Variants in CNBD1 observed in about 807,000 individuals in gnomAD.
CNBD1 encodes the protein cyclic nucleotide binding domain containing 1.
CNBD1 carries 71 observed loss-of-function variants against 54.4 expected under a neutral mutation model. The ratio of observed to expected loss-of-function variants is 1.30; its 90% CI spans 1.08 to 1.59. The LOEUF (loss-of-function observed/expected upper bound fraction) is 1.59, where lower values mean the gene tolerates loss of function less well. CNBD1 is among the 40% of genes most tolerant of loss of function. The pLI, the probability that CNBD1 is intolerant of heterozygous loss-of-function variation, is 0.00. For synonymous variants in CNBD1, 182 were observed against 170.7 expected (o/e 1.07, Z -0.51); for missense variants, 659 against 518.0 (o/e 1.27, Z -2.64).
At chr8:86,945,725 T>C (rs542180770) in intron 4 of CNBD1, among the ~76,000 whole-genome samples, 2 of 152,326 alleles carry the variant, frequency 1.3e-5, no homozygotes, top group African/African-American at 4.8e-5. Context: ...TTTATATTTC[T>C]GACACAAATG....
intron 3 of CNBD1, among the ~76,000 whole-genome samples, chr8:86,933,741 C>T (rs562905017): frequency 2.0e-4 from 30 of 152,034 alleles, no homozygotes; most frequent in Middle Eastern, 6.8e-3. Context: ...CTTTAACTTG[C>T]AATATATTAT....
At chr8:87,387,738 A>C (rs183577147), downstream of CNBD1, among the ~76,000 whole-genome samples, 6 of 152,002 alleles carry the variant, frequency 3.9e-5, no homozygotes, top group African/African-American at 1.2e-4. Flanking sequence ...ACTCAACTCA[A>C]CTCTGCACCA....
chr8:86,913,079 A>G (rs776086792), intron 3 of CNBD1, among the ~76,000 whole-genome samples: 1 of 152,236 alleles, frequency 6.6e-6, no homozygotes, highest in African/African-American at 2.4e-5. Flanking sequence ...AAGACATTAA[A>G]CACAATGAAA....
At chr8:87,412,938 A>G (rs2130986521) in intron 2 of CNBD1, among the ~76,000 whole-genome samples, 2 of 152,168 alleles carry the variant, frequency 1.3e-5, no homozygotes, top group African/African-American at 4.8e-5. Context: ...AGGTGGAGGG[A>G]TGATTTCTGG....
intron 4 of CNBD1, among the ~76,000 whole-genome samples, chr8:86,957,260 G>A (rs986968716): frequency 1.3e-5 from 2 of 152,150 alleles, no homozygotes; most frequent in African/African-American, 4.8e-5. Context: ...TTGCATCGAT[G>A]TTCATCAGGG....
intron 4 of CNBD1, among the ~76,000 whole-genome samples, chr8:87,032,592 G>C (rs1809818562): frequency 6.6e-6 from 1 of 152,138 alleles, no homozygotes; most frequent in South Asian, 2.1e-4. Flanking sequence ...AGAAAAGGTG[G>C]AGGATGTGGA....
downstream of CNBD1, among the ~76,000 whole-genome samples, chr8:87,385,706 T>A (rs1811168919): frequency 6.6e-6 from 1 of 151,996 alleles, no homozygotes; most frequent in Non-Finnish European, 1.5e-5. Flanking sequence ...GCATAGCCAA[T>A]CAAAAGGCAG....
chr8:87,252,459 C>G (rs1040683611), intron 6 of CNBD1, among the ~76,000 whole-genome samples: 2 of 152,030 alleles, frequency 1.3e-5, no homozygotes, highest in African/African-American at 4.8e-5. Context: ...ATCAGAGGAG[C>G]AATTAGTTAT....
chr8:87,263,323 T>G (rs1808179591), intron 6 of CNBD1, among the ~76,000 whole-genome samples: 2 of 152,184 alleles, frequency 1.3e-5, no homozygotes, highest in Non-Finnish European at 2.9e-5. Context: ...TAAGCTTTTT[T>G]TCAGATAATT....
chr8:87,227,122 G>C (rs1392301211), intron 5 of CNBD1, among the ~76,000 whole-genome samples: 1 of 152,070 alleles, frequency 6.6e-6, no homozygotes, highest in Admixed American at 6.5e-5. Context: ...TTTATTTTGA[G>C]CCCATGTGTG....
rs150305537 is a variant in CNBD1 at position 87,415,524 on chromosome 8, C to G, written c.214-13022C>G. 4.1e-3 allele frequency among the ~76,000 whole-genome samples: 621 copies of G among 152,120 alleles called. 7 individuals are homozygous for G. Among genetic ancestry groups the G allele is most frequent in the African/African-American group, 0.014 (586 of 41,538 alleles). Reference sequence around the variant, plus strand: ...ATCCTTGTAATTCTTTGAGCCTCATCATGACACTACAGTATTGTTTACTCT... The same window carrying G: ...ATCCTTGTAATTCTTTGAGCCTCATGATGACACTACAGTATTGTTTACTCT... On this transcript the variant is annotated intron_variant, in intron 2 of 7. Transcript: ENST00000521593.
At chr8:87,375,695 C>T (rs4477043) in intron 10 of CNBD1, among the ~76,000 whole-genome samples, 2,871 of 151,906 alleles carry the variant, frequency 0.019, 91 homozygotes, top group African/African-American at 0.063. Context: ...GACAAAACTT[C>T]CATCTCTTAT....
At chr8:87,258,924 A>T (rs1018122357) in intron 6 of CNBD1, among the ~76,000 whole-genome samples, 13 of 152,212 alleles carry the variant, frequency 8.5e-5, no homozygotes, top group Non-Finnish European at 1.8e-4. Flanking sequence ...TATACCTTCC[A>T]CAACTTGTTT....
chr8:87,089,107 G>A lies in CNBD1; in HGVS notation c.432-116886G>A, dbSNP rs560283485. Reference sequence around the variant, plus strand: ...AAACAAAAGATGTAAAGGCAAGAAAGATCACAGCATTTCAGGGAAAGGCAG... The same window carrying A: ...AAACAAAAGATGTAAAGGCAAGAAAAATCACAGCATTTCAGGGAAAGGCAG... On this transcript the variant is annotated intron_variant, in intron 4 of 10. Coordinates refer to ENST00000518476, the MANE Select transcript of CNBD1 (RefSeq NM_173538.3). 3.3e-5 allele frequency among the ~76,000 whole-genome samples: 5 copies of A among 152,196 alleles called. No individual in the cohort carries two copies. In the South Asian group the frequency reaches 6.2e-4, roughly 19 times the overall value.
intron 4 of CNBD1, among the ~76,000 whole-genome samples, chr8:87,150,894 G>GA (rs1378547911): frequency 1.3e-5 from 2 of 152,154 alleles, no homozygotes; most frequent in East Asian, 1.9e-4. Flanking sequence ...AGAGGCTGGG[G>GA]AAAAAATTAC....
chr8:86,991,047 C>G (rs116592692), intron 4 of CNBD1, among the ~76,000 whole-genome samples: 1 of 152,098 alleles, frequency 6.6e-6, no homozygotes, highest in Non-Finnish European at 1.5e-5. Flanking sequence ...TGAAACTTTA[C>G]TGAATTTATC....
chr8:87,188,452 C>T (rs893997880), intron 4 of CNBD1, among the ~76,000 whole-genome samples: 12 of 152,032 alleles, frequency 7.9e-5, no homozygotes, highest in African/African-American at 1.4e-4. Context: ...GAAGGAGGCT[C>T]GGTGCGGTGG....
At chr8:87,132,059 T>A (rs1010584281) in intron 4 of CNBD1, among the ~76,000 whole-genome samples, 1 of 151,972 alleles carries the variant, frequency 6.6e-6, no homozygotes, top group Non-Finnish European at 1.5e-5. Context: ...CTGGCCTCTA[T>A]TTTTTGTTTG....
At chr8:87,328,732 A>T (rs1415820908) in intron 8 of CNBD1, among the ~76,000 whole-genome samples, 1 of 152,142 alleles carries the variant, frequency 6.6e-6, no homozygotes, top group Non-Finnish European at 1.5e-5. Context: ...CTTCTACTTC[A>T]TAAACATAGT....
Sources: gnomAD v4.1 joint callset for allele counts (sites outside exome capture counted in the v4.1 genomes callset) on GRCh38, gnomAD v4.1.1 for gene constraint, MANE v1.5 for transcripts, NCBI Gene and HGNC (gene_info 2026-07-23, HGNC 2026-07-21) for gene names.